The following CADM2 variants were observed in gnomAD, a reference collection of about 807,000 sequenced individuals.
The protein encoded by CADM2 is cell adhesion molecule 2, also known as immunoglobulin superfamily member 4D.
In CADM2, 12 loss-of-function variants were observed where a neutral mutation model predicts 49.8. The ratio of observed to expected loss-of-function variants is 0.24; its 90% confidence interval spans 0.15 to 0.39. The LOEUF (loss-of-function observed/expected upper bound fraction) is 0.39. Among genes scored for constraint, CADM2 ranks in the 10% least tolerant of loss-of-function variants. CADM2 has a pLI of 1.00. For missense variants in CADM2, 378 were observed against 492.3 expected (o/e 0.77, Z 2.20); for synonymous variants, 214 against 175.4 (o/e 1.22, Z -1.74).
At chr3:85,603,140 G>A (rs1192237738) in intron 1 of CADM2, among the ~76,000 whole-genome samples, 1 of 151,668 alleles carries the variant, frequency 6.6e-6, no homozygotes, top group Non-Finnish European at 1.5e-5. Context: ...TGTATTCTTA[G>A]CACCTAGCTC....
At chr3:85,414,259 T>A (rs2035810684) in intron 1 of CADM2, among the ~76,000 whole-genome samples, 1 of 152,024 alleles carries the variant, frequency 6.6e-6, no homozygotes, top group Non-Finnish European at 1.5e-5. Flanking sequence ...CTCAGTTAAT[T>A]AACAAAATCG....
intron 2 of CADM2, among the ~76,000 whole-genome samples, chr3:85,790,193 AT>A (rs944050258): frequency 6.6e-6 from 1 of 152,224 alleles, no homozygotes; most frequent in Non-Finnish European, 1.5e-5. Flanking sequence ...CATGCAAAAC[AT>A]TTTTGAAATG....
At chr3:85,429,961 A>T (rs2036588650) in intron 1 of CADM2, among the ~76,000 whole-genome samples, 1 of 152,208 alleles carries the variant, frequency 6.6e-6, no homozygotes, top group South Asian at 2.1e-4. Flanking sequence ...CTGATTTAAA[A>T]TGGTGATCAA....
At chr3:85,391,464 A>G (rs75015759) in intron 1 of CADM2, among the ~76,000 whole-genome samples, 30 of 152,186 alleles carry the variant, frequency 2.0e-4, no homozygotes, top group African/African-American at 6.5e-4. Context: ...TTGTCGGAAT[A>G]GTAAGACTGC....
chr3:85,136,327 A>G (rs2039413030), intron 1 of CADM2, among the ~76,000 whole-genome samples: 1 of 136,530 alleles, frequency 7.3e-6, no homozygotes, highest in Admixed American at 7.3e-5. Flanking sequence ...GCAATTAGGT[A>G]CTGAGTAATG....
chr3:85,934,947 A>G (rs185807121), intron 6 of CADM2, among the ~76,000 whole-genome samples: 2 of 152,110 alleles, frequency 1.3e-5, no homozygotes, highest in East Asian at 3.9e-4. Flanking sequence ...CAATGCCAGG[A>G]CTAGCAAAGC....
chr3:85,642,164 T>G (rs917053901), intron 1 of CADM2, among the ~76,000 whole-genome samples: 1 of 152,202 alleles, frequency 6.6e-6, no homozygotes, highest in African/African-American at 2.4e-5. Context: ...TCCTCATACT[T>G]AGATAGACAG....
At chr3:85,737,140 C>T (rs1039648444) in intron 2 of CADM2, among the ~76,000 whole-genome samples, 3 of 152,062 alleles carry the variant, frequency 2.0e-5, no homozygotes, top group Admixed American at 2.0e-4. Context: ...TGTTAGCCCA[C>T]AGGAAAGTAC....
chr3:85,937,416 A>G (rs184230248), intron 7 of CADM2, among the ~76,000 whole-genome samples: 1 of 152,036 alleles, frequency 6.6e-6, no homozygotes, highest in Admixed American at 6.6e-5. Context: ...GAAATAAGAA[A>G]GGCTCCCTAT....
intron 1 of CADM2, among the ~76,000 whole-genome samples, chr3:85,251,318 T>C (rs2042768621): frequency 6.6e-6 from 1 of 152,010 alleles, no homozygotes; most frequent in South Asian, 2.1e-4. Flanking sequence ...ACCACCCAAA[T>C]TATTATGACA....
chr3:85,131,657 T>A (rs1360665299), intron 1 of CADM2, among the ~76,000 whole-genome samples: 2 of 152,182 alleles, frequency 1.3e-5, no homozygotes, highest in African/African-American at 4.8e-5. Context: ...TAATATAACT[T>A]ACCTAACCAT....
chr3:85,582,579 G>T (rs1417448637), intron 1 of CADM2, among the ~76,000 whole-genome samples: 1 of 152,112 alleles, frequency 6.6e-6, no homozygotes, highest in Non-Finnish European at 1.5e-5. Flanking sequence ...TTCTTACATG[G>T]AAGATGGAGA....
rs1207141741 is a variant in CADM2, at chr3:85,689,271, C to T, written c.62-37251C>T. 2.0e-5 allele frequency among the ~76,000 whole-genome samples: 3 copies of T among 152,120 alleles called. No individual in the cohort carries two copies. The East Asian group carries it at 5.8e-4, about 29-fold the overall frequency. On this transcript the variant is annotated intron_variant, in intron 1 of 9. Coordinates refer to ENST00000383699, the MANE Select transcript of CADM2 (RefSeq NM_001167675.2). ...GGATGGAGGTGGGGGTAGGGAGAGG[C>T]AGGGAGGATGTAACAAATTTAAAGT...
At chr3:85,885,494 A>G (rs1713477622) in intron 4 of CADM2, among the ~76,000 whole-genome samples, 1 of 151,842 alleles carries the variant, frequency 6.6e-6, no homozygotes, top group African/African-American at 2.4e-5. Flanking sequence ...AACATGGAGA[A>G]CCACCCCCAC....
chr3:85,095,722 A>G (rs1395947380), intron 1 of CADM2, among the ~76,000 whole-genome samples: 1 of 152,192 alleles, frequency 6.6e-6, no homozygotes, highest in African/African-American at 2.4e-5. Context: ...ATATGTTCAA[A>G]TTGGTTTAAT....
At chr3:85,578,844 T>C (rs995558735) in intron 1 of CADM2, among the ~76,000 whole-genome samples, 4 of 152,198 alleles carry the variant, frequency 2.6e-5, no homozygotes, top group Non-Finnish European at 2.9e-5. Flanking sequence ...CTCCCATCTG[T>C]GATTATAAAG....
intron 1 of CADM2, among the ~76,000 whole-genome samples, chr3:85,318,434 G>A (rs907802020): frequency 4.6e-5 from 7 of 151,924 alleles, no homozygotes; most frequent in Admixed American, 3.3e-4. Context: ...GGCACACTTC[G>A]TCCTAAACAG....
At chr3:85,796,170 C>T (rs58800887) in intron 2 of CADM2, among the ~76,000 whole-genome samples, 7,797 of 152,162 alleles carry the variant, frequency 0.051, 564 homozygotes, top group African/African-American at 0.16. Flanking sequence ...TTAGCAATTG[C>T]GTGCTTTTTA....
chr3:85,760,682 G>A (rs1221693210), intron 2 of CADM2, among the ~76,000 whole-genome samples: 4 of 151,916 alleles, frequency 2.6e-5, no homozygotes, highest in Non-Finnish European at 4.4e-5. Context: ...TAAGTTTTAT[G>A]GTTCATAATG....
Sources: gnomAD v4.1 joint callset for allele counts (sites outside exome capture counted in the v4.1 genomes callset) on GRCh38, gnomAD v4.1.1 for gene constraint, MANE v1.5 for transcripts, NCBI Gene and HGNC (gene_info 2026-07-23, HGNC 2026-07-21) for gene names.